LRCH3: variants seen among roughly 807,000 people sequenced by gnomAD.
LRCH3 encodes DISP complex protein LRCH3.
In LRCH3, 68 loss-of-function variants were observed where a neutral mutation model predicts 104.5. The ratio of observed to expected loss-of-function variants is 0.65; its 90% CI spans 0.54 to 0.80. LRCH3 has a LOEUF of 0.80. Ranked by LOEUF, LRCH3 falls within the 30% of genes least tolerant of loss-of-function variation. LRCH3 has a pLI of 0.00. For missense variants in LRCH3, 951 were observed against 953.9 expected (o/e 1.00, Z 0.04); for synonymous variants, 344 against 361.3 (o/e 0.95, Z 0.54).
At chr3:197,870,746 G>A (rs1164511498) in intron 18 of LRCH3, among the ~76,000 whole-genome samples, 1 of 151,164 alleles carries the variant, frequency 6.6e-6, no homozygotes, top group Non-Finnish European at 1.5e-5. Context: ...TTAGTGCTGG[G>A]ATGGCAGGCG....
chr3:197,857,852 T>TA (rs1740463127), intron 14 of LRCH3, among the ~76,000 whole-genome samples: 2 of 152,246 alleles, frequency 1.3e-5, no homozygotes, highest in Non-Finnish European at 2.9e-5. Flanking sequence ...CATTGTGTGT[T>TA]ACATGCTGCT....
intron 15 of LRCH3, among the ~76,000 whole-genome samples, chr3:197,863,452 G>A (rs926424617): frequency 5.3e-5 from 8 of 152,016 alleles, no homozygotes; most frequent in East Asian, 1.9e-4. Context: ...GTAGAGACGG[G>A]GTTTCACCAT....
rs768762490 is a variant in LRCH3, at chr3:197,791,361, T to C, written c.83T>C (p.Val28Ala). 2 of 1,604,548 alleles carry C rather than the reference T, an allele frequency of 1.2e-6. No individual in the cohort carries two copies. The highest frequency in any genetic ancestry group is 3.4e-5 in the Admixed American group (2 of 58,538). The part of the protein sequence containing the change: ...TVASGGNLPG[V>A]HCGPSSGAGP... ...GCGTCGGGAGGTAACCTCCCTGGTG[T>C]TCACTGCGGCCCAAGCTCCGGGGCA... The change falls in exon 1 of 21, where the codon GTT (valine) becomes GCT (alanine). Residue 28 changes from valine (V) to alanine (A), a missense_variant. Coordinates refer to ENST00000425562, the MANE Select transcript of LRCH3 (RefSeq NM_001365715.1).
chr3:197,834,635 G>T (rs547426548), intron 8 of LRCH3, among the ~76,000 whole-genome samples: 3 of 152,126 alleles, frequency 2.0e-5, no homozygotes, highest in African/African-American at 7.2e-5. Flanking sequence ...CCTAAAACAC[G>T]AAAACACAAA....
chr3:197,850,753 C>G (rs990232028), intron 12 of LRCH3: 34 of 1,288,656 alleles, frequency 2.6e-5, no homozygotes, highest in South Asian at 4.7e-5. Context: ...GCACACCTGC[C>G]AACTCCATCA....
Position 197,839,320 on chromosome 3 carries a change from G to C in LRCH3, c.1252-1G>C. On this transcript the variant is annotated splice_acceptor_variant, in intron 9 of 20. Transcript: ENST00000425562. LOFTEE classifies it high-confidence loss of function. ...TTATTTATTTCTGTCCTCTGGCCTAGGGTTCACCAGTAAAGCCAGTAGCCA... is the reference window on the plus strand; with the variant it reads ...TTATTTATTTCTGTCCTCTGGCCTACGGTTCACCAGTAAAGCCAGTAGCCA... 1 of 1,587,224 alleles carries C rather than the reference G, an allele frequency of 6.3e-7. No homozygotes were observed. The highest frequency in any genetic ancestry group is 1.2e-5 in the South Asian group (1 of 86,586).
chr3:197,817,145 G>C, intron 2 of LRCH3, 31 bp from the exon 3 acceptor site: 3 of 1,574,710 alleles, frequency 1.9e-6, no homozygotes, highest in Middle Eastern at 3.4e-4. Flanking sequence ...GGTGGACTCT[G>C]ATTCTTCTCT....
chr3:197,797,966 A>C (rs1163747449), intron 1 of LRCH3, among the ~76,000 whole-genome samples: 4 of 152,004 alleles, frequency 2.6e-5, no homozygotes, highest in African/African-American at 9.7e-5. Context: ...ATGAGAAGCA[A>C]TCTGAAGCTG....
intron 19 of LRCH3, among the ~76,000 whole-genome samples, chr3:197,874,279 C>T (rs1210182533): frequency 6.6e-6 from 1 of 152,124 alleles, no homozygotes; most frequent in East Asian, 1.9e-4. Flanking sequence ...CACATCACCA[C>T]CCGAGCTCTG....
At chr3:197,841,184 T>C (rs1215017532) in intron 10 of LRCH3, among the ~76,000 whole-genome samples, 1 of 152,232 alleles carries the variant, frequency 6.6e-6, no homozygotes, top group Non-Finnish European at 1.5e-5. Context: ...CTGGCCTGGA[T>C]TCTCATGTGG....
chr3:197,849,863 C>T (rs1318016837), intron 12 of LRCH3, among the ~76,000 whole-genome samples: 1 of 152,150 alleles, frequency 6.6e-6, no homozygotes, highest in Admixed American at 6.5e-5. Flanking sequence ...ACAAGCCCTG[C>T]CCACCAGGCA....
chr3:197,863,772 A>C (rs192377633), intron 15 of LRCH3, among the ~76,000 whole-genome samples: 24 of 152,284 alleles, frequency 1.6e-4, no homozygotes, highest in Admixed American at 2.6e-4. Flanking sequence ...AAATATATCT[A>C]TCATCTCTTA....
At chr3:197,850,925 G>A (rs1210545507) in intron 12 of LRCH3, 5 of 816,434 alleles carry the variant, frequency 6.1e-6, no homozygotes, top group African/African-American at 5.0e-5. Context: ...ATTTCGTGGG[G>A]TTCTCCGGGT....
rs181187671 is a variant in LRCH3, at chr3:197,811,903, A to G, written c.263-3005A>G. On this transcript the variant is annotated intron_variant, in intron 1 of 20. Coordinates refer to ENST00000425562, the MANE Select transcript of LRCH3 (RefSeq NM_001365715.1). ...GTATTATTCATTTTATTGCTGAGAC[A>G]TAAGATATGGTTATTAGAAAAGTCC... Among the ~76,000 whole-genome samples, 3 of 152,352 alleles carry G rather than the reference A, an allele frequency of 2.0e-5. No homozygotes were observed. The East Asian group carries it at 5.8e-4, about 29-fold the overall frequency.
chr3:197,882,521 A>G, intron 20 of LRCH3: 1 of 912,478 alleles, frequency 1.1e-6, no homozygotes, highest in Non-Finnish European at 1.3e-6. Context: ...GAAAAGCAAA[A>G]CAAAAAACAA....
rs143351118 is a variant in LRCH3, at chr3:197,854,087, A to T, written c.1591-305A>T. ...TTTGTTACTGGCTCACTAAATGACC[A>T]TAGGTTCTTTATGTTATTGTTACAT... is the stretch of plus-strand genomic sequence containing the variant. On this transcript the variant is annotated intron_variant, in intron 13 of 20. Transcript: ENST00000425562. This position sits in a 1 kb window ranked among gnomAD's most constrained non-coding sequence, Gnocchi z 4.5. Among the ~76,000 whole-genome samples the T allele has an allele frequency of 0.021, 3,240 of 152,232 alleles. 55 individuals carry two copies. The highest frequency in any genetic ancestry group is 0.043 in the South Asian group (207 of 4,826).
chr3:197,879,536 C>T (rs1419938898), intron 20 of LRCH3, among the ~76,000 whole-genome samples: 10 of 151,778 alleles, frequency 6.6e-5, no homozygotes, highest in Non-Finnish European at 1.5e-4. Context: ...GTCCCAGCTG[C>T]TCGGGAGGCT....
chr3:197,878,780 C>A (rs1001626391), intron 20 of LRCH3, among the ~76,000 whole-genome samples: 4 of 152,238 alleles, frequency 2.6e-5, no homozygotes, highest in African/African-American at 9.6e-5. Context: ...GAAGAAACTT[C>A]TACCTCCTCG....
At chr3:197,874,352 C>T (rs187572791) in intron 19 of LRCH3, among the ~76,000 whole-genome samples, 421 of 152,238 alleles carry the variant, frequency 2.8e-3, no homozygotes, top group African/African-American at 4.0e-3. Flanking sequence ...GTGTGAACTG[C>T]GCATGCGAGG....
Sources: allele counts gnomAD v4.1 joint callset (sites outside exome capture counted in the v4.1 genomes callset), GRCh38; gene constraint gnomAD v4.1.1; non-coding constraint Gnocchi (gnomAD v3.1); transcripts MANE v1.5; gene names NCBI Gene and HGNC (gene_info 2026-07-23, HGNC 2026-07-21).